The following L3MBTL1 variants were observed in gnomAD, a reference collection of about 807,000 sequenced individuals.
The protein encoded by L3MBTL1 is lethal(3)malignant brain tumor-like protein 1.
In L3MBTL1, 75 loss-of-function variants were observed where a neutral mutation model predicts 105.3. The ratio of observed to expected loss-of-function variants is 0.71; its 90% CI spans 0.59 to 0.86. The LOEUF is 0.86. Ranked by LOEUF, L3MBTL1 falls within the 40% of genes least tolerant of loss-of-function variation. The pLI, the probability that L3MBTL1 is intolerant of heterozygous loss-of-function variation, is 0.00. For synonymous variants in L3MBTL1, 452 were observed against 436.2 expected, an observed-to-expected ratio of 1.04 and a Z score of -0.45; for missense variants, 1,069 against 1,126.4, an observed-to-expected ratio of 0.95 and a Z score of 0.73.
In L3MBTL1 at chr20:43,534,560, A is replaced by C. The variant is rs2019508216; in HGVS notation, c.1710+166A>C. 1.4e-4 allele frequency: 88 copies of C among 636,862 alleles called. No homozygotes were observed. In the South Asian group the frequency reaches 1.7e-3, roughly 12 times the overall value. The allele number at this position is 636,862 out of a possible 1,614,324, so 39.5% of individuals were successfully genotyped here. A position where few individuals can be genotyped will look rare whatever the true frequency, so the allele number is the denominator to read the frequency against. ...TTATTTTTGTGGGCTTGGACAAGTC[A>C]TTTTCCCTCTCTAAGCCTTACATCA... is the stretch of plus-strand genomic sequence containing the variant. On this transcript the variant is annotated intron_variant, in intron 15 of 21. Coordinates refer to ENST00000418998, the MANE Select transcript of L3MBTL1 (RefSeq NM_001377303.1).
chr20:43,539,920 C>T (rs1462112977), intron 19 of L3MBTL1: 2 of 614,956 alleles, frequency 3.3e-6, no homozygotes, highest in Non-Finnish European at 5.9e-6. Context: ...GAGGGTCATT[C>T]CGAATAGCTG....
At chr20:43,514,425 C>T (rs2018247195) in intron 3 of L3MBTL1, 5 of 1,467,720 alleles carry the variant, frequency 3.4e-6, no homozygotes, top group Middle Eastern at 2.1e-4. Flanking sequence ...AGTGGGGCAC[C>T]CTGGGACTGG....
At chr20:43,535,196 G>A (rs2019544849) in intron 16 of L3MBTL1, among the ~76,000 whole-genome samples, 2 of 152,160 alleles carry the variant, frequency 1.3e-5, no homozygotes, top group African/African-American at 4.8e-5. Context: ...GGTTGCATGT[G>A]CTTCAGAGGT....
At chr20:43,530,525 C>T in intron 10 of L3MBTL1, 106 bp downstream of exon 10, 2 of 1,305,458 alleles carry the variant, frequency 1.5e-6, no homozygotes, top group South Asian at 1.4e-5. Context: ...TGACCCTGTA[C>T]CCTGTTCCAA....
intron 7 of L3MBTL1, among the ~76,000 whole-genome samples, chr20:43,527,210 A>G (rs768853822): frequency 6.6e-6 from 1 of 152,230 alleles, no homozygotes; most frequent in Non-Finnish European, 1.5e-5. Context: ...GTGATCCTGT[A>G]TGGTGGGTAT....
At chr20:43,522,472 T>G (rs1200964284) in intron 7 of L3MBTL1, among the ~76,000 whole-genome samples, 7 of 123,960 alleles carry the variant, frequency 5.6e-5, no homozygotes, top group African/African-American at 1.8e-4. Flanking sequence ...TTTTTTTTTT[T>G]TTTTTTTTTT....
exon 19 of L3MBTL1, chr20:43,549,323 A>G (rs190412241): frequency 1.3e-5 from 2 of 152,404 alleles, no homozygotes; most frequent in Non-Finnish European, 2.9e-5. Flanking sequence ...CCCCCATGAC[A>G]TCATTTAACC....
In L3MBTL1 at chr20:43,541,174, T is replaced by G; in HGVS notation, c.*46T>G. 2 of 1,588,466 alleles carry G rather than the reference T, an allele frequency of 1.3e-6. No homozygotes were observed. The highest frequency in any genetic ancestry group is 1.7e-6 in the Non-Finnish European group (2 of 1,163,750). ...AATCCAATATAGTTGATAATTAAAG[T>G]GTATTTTGAATGACACAGATATTGT... On this transcript the variant is annotated 3_prime_UTR_variant, in exon 22 of 22. Coordinates refer to ENST00000418998, the MANE Select transcript of L3MBTL1 (RefSeq NM_001377303.1).
At position 43,532,905 on chromosome 20, in the gene L3MBTL1, G is replaced by A; in HGVS notation, c.1417G>A (p.Asp473Asn). 10 of 1,614,190 alleles carry A rather than the reference G, an allele frequency of 6.2e-6. No individual in the cohort carries two copies. Among genetic ancestry groups the A allele is most frequent in the Non-Finnish European group, 8.5e-6 (10 of 1,180,040 alleles). Residue 473 changes from aspartate (D) to asparagine (N), a missense_variant, in exon 12 of 22, where the codon GAT becomes AAT. Coordinates refer to ENST00000418998, the MANE Select transcript of L3MBTL1 (RefSeq NM_001377303.1). ...CTTCCTGGTGCACTTTGACAACTGG[G>A]ATGATACTTATGACTACTGGTAGTA... ...SRFLVHFDNW[D>N]DTYDYWCDPS...
intron 10 of L3MBTL1, 160 bp from the exon 11 acceptor site, chr20:43,530,638 A>C: frequency 1.3e-6 from 1 of 796,646 alleles, no homozygotes; most frequent in Non-Finnish European, 2.1e-6. Context: ...GTGTCTACTC[A>C]AGTCGTGTCC....
intron 19 of L3MBTL1, among the ~76,000 whole-genome samples, chr20:43,537,456 T>C (rs905669736): frequency 1.3e-5 from 2 of 151,808 alleles, no homozygotes; most frequent in African/African-American, 4.8e-5. Flanking sequence ...AGGATACCAA[T>C]TGAATTGGAT....
At chr20:43,524,324 A>G (rs758059954) in intron 7 of L3MBTL1, among the ~76,000 whole-genome samples, 4 of 152,150 alleles carry the variant, frequency 2.6e-5, no homozygotes, top group African/African-American at 4.8e-5. Flanking sequence ...TTTTTGATAC[A>G]TAGTTATTTC....
At position 43,541,037 on chromosome 20, in the gene L3MBTL1, G is replaced by A; in HGVS notation, c.2498G>A (p.Gly833Asp). 1 of 1,614,156 alleles carries A rather than the reference G, an allele frequency of 6.2e-7. No homozygotes were observed. The highest frequency in any genetic ancestry group is 8.5e-7 in the Non-Finnish European group (1 of 1,180,036). Reference protein sequence around the residue: ...VCSDHLQEGKGILETGVHSLL... With the variant: ...VCSDHLQEGKDILETGVHSLL... ...TCAGATCATCTTCAGGAAGGAAAAG[G>A]CATCCTGGAGACAGGAGTCCATTCA... The change falls in exon 22 of 22, where the codon GGC (glycine) becomes GAC (aspartate). Residue 833 changes from glycine (G) to aspartate (D), a missense_variant. Gly to Asp is a moderately conservative substitution (Grantham distance 94). Coordinates refer to ENST00000418998, the MANE Select transcript of L3MBTL1 (RefSeq NM_001377303.1).
At chr20:43,520,873 G>T (rs1487637813) in intron 7 of L3MBTL1, among the ~76,000 whole-genome samples, 1 of 152,156 alleles carries the variant, frequency 6.6e-6, no homozygotes. Context: ...CTTAACTGTG[G>T]TCCTTAATCT....
chr20:43,534,680 G>T, intron 15 of L3MBTL1, 148 bp from the exon 16 acceptor site: 1 of 631,212 alleles, frequency 1.6e-6, no homozygotes, highest in South Asian at 1.9e-5. Context: ...AAAATGTGGT[G>T]GCCAAGACAG....
intron 7 of L3MBTL1, among the ~76,000 whole-genome samples, chr20:43,526,862 G>T (rs6030940): frequency 0.21 from 31,656 of 152,108 alleles, 3,631 homozygotes; most frequent in African/African-American, 0.29. Context: ...TAGGAGAATC[G>T]CTTGAACCTG....
In L3MBTL1 at chr20:43,532,928, G is replaced by C; in HGVS notation, c.1436+4G>C. 1.2e-6 allele frequency: 2 copies of C among 1,614,124 alleles called. No homozygotes were observed. Among genetic ancestry groups the C allele is most frequent in the South Asian group, 2.2e-5 (2 of 91,082 alleles). ...GGGATGATACTTATGACTACTGGTAGTAGGAGGGCCCAGACTTGGCCTCAG... is the reference window on the plus strand; with the variant it reads ...GGGATGATACTTATGACTACTGGTACTAGGAGGGCCCAGACTTGGCCTCAG... On this transcript the variant is annotated splice_donor_region_variant and intron_variant, in intron 12 of 21. Coordinates refer to ENST00000418998, the MANE Select transcript of L3MBTL1 (RefSeq NM_001377303.1).
chr20:43,534,383 CATCGGA>C lies in L3MBTL1; in HGVS notation c.1700_1705del (p.His567_Ile569delinsLeu), dbSNP rs2019498854. On this transcript the variant is annotated inframe_deletion, in exon 15 of 22. Transcript: ENST00000418998. ...GGCCAGCGTGGAGGATGTGGAGGACCATCGGATAAAGGTGGCTCTGGGACCCTAGGG... is the reference window on the plus strand; with the variant it reads ...GGCCAGCGTGGAGGATGTGGAGGACCTAAAGGTGGCTCTGGGACCCTAGGG... The C allele has an allele frequency of 6.2e-7, 1 of 1,613,876 alleles. No individual in the cohort carries two copies. Among genetic ancestry groups the C allele is most frequent in the African/African-American group, 1.3e-5 (1 of 74,926 alleles).
chr20:43,515,283 C>A lies in L3MBTL1; in HGVS notation c.654-9C>A. ...GGTGGTTCTTTCCCTAAGGCTGGCC[C>A]TTCCTCAGGTCAGTCATAGTGGAGA... On this transcript the variant is annotated splice_polypyrimidine_tract_variant and intron_variant, in intron 5 of 21. Coordinates refer to ENST00000418998, the MANE Select transcript of L3MBTL1 (RefSeq NM_001377303.1). 6.2e-7 allele frequency: 1 copy of A among 1,609,076 alleles called. No individual in the cohort carries two copies. The highest frequency in any genetic ancestry group is 2.2e-5 in the East Asian group (1 of 44,688).
Sources: allele counts gnomAD v4.1 joint callset (sites outside exome capture counted in the v4.1 genomes callset), GRCh38; gene constraint gnomAD v4.1.1; transcripts MANE v1.5; gene names NCBI Gene and HGNC (gene_info 2026-07-23, HGNC 2026-07-21).